SLIT2: variants seen among roughly 807,000 people sequenced by gnomAD.
SLIT2 encodes the protein slit homolog 2 protein.
In SLIT2, 41 loss-of-function variants were observed where a neutral mutation model predicts 185.7. That is an observed-to-expected ratio of 0.22 (90% CI 0.17 to 0.29). The LOEUF (loss-of-function observed/expected upper bound fraction) is 0.29, where lower values mean the gene tolerates loss of function less well. Among genes scored for constraint, SLIT2 ranks in the 10% least tolerant of loss-of-function variants. The pLI is 1.00. For synonymous variants in SLIT2, 693 were observed against 680.2 expected, an observed-to-expected ratio of 1.02 and a Z score of -0.29; for missense variants, 1,571 against 1,909.0, an observed-to-expected ratio of 0.82 and a Z score of 3.30.
At chr4:20,543,612 CT>C (rs1424187253) in intron 21 of SLIT2, among the ~76,000 whole-genome samples, 1 of 152,196 alleles carries the variant, frequency 6.6e-6, no homozygotes, top group Non-Finnish European at 1.5e-5. Context: ...GTTTGACAAA[CT>C]TTTGACAGTG....
rs1394700206 is a variant in SLIT2, at chr4:20,254,558, G to T, written c.179+564G>T. Among the ~76,000 whole-genome samples the T allele has an allele frequency of 6.6e-6, 1 of 152,144 alleles. No homozygotes were observed. The highest frequency in any genetic ancestry group is 1.5e-5 in the Non-Finnish European group (1 of 68,020). Reference sequence around the variant, plus strand: ...CTTCTCACAGGTCGCGGGGAGAAGGGTGCCCCAGGACGGCGACACCTCGCA... The same window carrying T: ...CTTCTCACAGGTCGCGGGGAGAAGGTTGCCCCAGGACGGCGACACCTCGCA... On this transcript the variant is annotated intron_variant, in intron 1 of 36. Transcript: ENST00000504154. The surrounding 1 kb of genome is among the most constrained non-coding windows in gnomAD (Gnocchi z 5.1).
At chr4:20,543,731 A>C (rs1723016908) in intron 21 of SLIT2, among the ~76,000 whole-genome samples, 1 of 152,172 alleles carries the variant, frequency 6.6e-6, no homozygotes, top group African/African-American at 2.4e-5. Context: ...TGAATAGAAC[A>C]CTTAGAGGAA....
chr4:20,515,976 C>T (rs1015801709), intron 11 of SLIT2, among the ~76,000 whole-genome samples: 4 of 152,116 alleles, frequency 2.6e-5, no homozygotes, highest in South Asian at 2.1e-4. Flanking sequence ...CTACCACACT[C>T]GGCTAATTTT....
At chr4:20,338,911 G>A (rs575355040) in intron 4 of SLIT2, among the ~76,000 whole-genome samples, 1 of 151,902 alleles carries the variant, frequency 6.6e-6, no homozygotes, top group East Asian at 1.9e-4. Flanking sequence ...GGGAAACAGA[G>A]AGAGATCCCA....
At chr4:20,500,977 C>T (rs1309663529) in intron 9 of SLIT2, among the ~76,000 whole-genome samples, 1 of 152,108 alleles carries the variant, frequency 6.6e-6, no homozygotes, top group South Asian at 2.1e-4. Context: ...TATTTTATCT[C>T]TGATTCTGTG....
intron 4 of SLIT2, among the ~76,000 whole-genome samples, chr4:20,438,279 C>T (rs937706425): frequency 1.3e-5 from 2 of 152,176 alleles, no homozygotes; most frequent in South Asian, 4.1e-4. Flanking sequence ...ATATCCAACA[C>T]TGGGCAATTT....
chr4:20,618,900 C>G lies in SLIT2; in HGVS notation c.4481C>G (p.Pro1494Arg). The G allele has an allele frequency of 6.2e-7, 1 of 1,614,058 alleles. No individual in the cohort carries two copies. Among genetic ancestry groups the G allele is most frequent in the Non-Finnish European group, 8.5e-7 (1 of 1,180,008 alleles). Residue 1494 changes from proline (P) to arginine (R), a missense_variant, in exon 37 of 37, where the codon CCG becomes CGG. Coordinates refer to ENST00000504154, the MANE Select transcript of SLIT2 (RefSeq NM_004787.4). ...GGCAGGQCCGPLRSKRRKYSF... is the reference protein window; with the variant it reads ...GGCAGGQCCGRLRSKRRKYSF... ...TGTGCAGGAGGGCAGTGCTGTGGAC[C>G]GCTGAGGAGCAAGCGGCGGAAATAC...
intron 4 of SLIT2, among the ~76,000 whole-genome samples, chr4:20,337,902 A>AG (rs1720640979): frequency 6.6e-6 from 1 of 152,188 alleles, no homozygotes; most frequent in Non-Finnish European, 1.5e-5. Flanking sequence ...GAAAAAAAAA[A>AG]TGATGCCACT....
chr4:20,534,398 AGTT>A (rs1180054044), intron 18 of SLIT2, among the ~76,000 whole-genome samples: 13 of 152,138 alleles, frequency 8.5e-5, no homozygotes, highest in Non-Finnish European at 2.9e-5. Context: ...GTTTCCAAAG[AGTT>A]GTTGTCCAAG....
intron 4 of SLIT2, among the ~76,000 whole-genome samples, chr4:20,435,678 A>G (rs1729300672): frequency 6.6e-6 from 1 of 152,226 alleles, no homozygotes; most frequent in Non-Finnish European, 1.5e-5. Context: ...TAAAATCTTA[A>G]GAAATTTTCC....
intron 29 of SLIT2, among the ~76,000 whole-genome samples, chr4:20,570,746 T>TATATATATATATATATAC (rs1725531245): frequency 6.9e-6 from 1 of 144,704 alleles, no homozygotes; most frequent in African/African-American, 2.5e-5. Context: ...TATATATATA[T>TATATATATATATATATAC]ATATATATAT....
At chr4:20,363,806 A>T (rs1722912725) in intron 4 of SLIT2, among the ~76,000 whole-genome samples, 1 of 152,106 alleles carries the variant, frequency 6.6e-6, no homozygotes, top group South Asian at 2.1e-4. Context: ...TCTAGGCAGC[A>T]TGTATTTTCC....
At chr4:20,324,713 T>A (rs76237997) in intron 4 of SLIT2, among the ~76,000 whole-genome samples, 11,375 of 152,172 alleles carry the variant, frequency 0.075, 1,007 homozygotes, top group African/African-American at 0.21. Flanking sequence ...ATAATATATA[T>A]ACTTCAAAAC....
chr4:20,517,738 T>G (rs980519447), intron 11 of SLIT2, among the ~76,000 whole-genome samples: 1 of 152,176 alleles, frequency 6.6e-6, no homozygotes, highest in Admixed American at 6.5e-5. Flanking sequence ...CATTTTATAA[T>G]ATACCTTACC....
chr4:20,321,886 G>T (rs191464591), intron 4 of SLIT2, among the ~76,000 whole-genome samples: 46 of 152,254 alleles, frequency 3.0e-4, no homozygotes, highest in Non-Finnish European at 3.1e-4. Flanking sequence ...TGGTTCTCAA[G>T]TGTGGCTTTG....
chr4:20,491,690 G>C, intron 8 of SLIT2, 71 bp from the exon 9 acceptor site: 1 of 1,329,134 alleles, frequency 7.5e-7, no homozygotes, highest in Non-Finnish European at 1.1e-6. Flanking sequence ...TGTTACTTGA[G>C]CTAAGTTTGT....
chr4:20,470,742 A>C (rs994969333), intron 5 of SLIT2, among the ~76,000 whole-genome samples: 2 of 151,806 alleles, frequency 1.3e-5, no homozygotes, highest in Admixed American at 1.3e-4. Context: ...TACCTGGCTA[A>C]TTTTTGTATT....
intron 4 of SLIT2, among the ~76,000 whole-genome samples, chr4:20,389,058 A>G (rs1358389845): frequency 6.7e-6 from 1 of 150,252 alleles, no homozygotes; most frequent in East Asian, 2.0e-4. Flanking sequence ...TGCTTAAAAT[A>G]TCTGTTCTTA....
intron 17 of SLIT2, among the ~76,000 whole-genome samples, chr4:20,532,454 T>C (rs1000158195): frequency 6.6e-6 from 1 of 152,144 alleles, no homozygotes; most frequent in Non-Finnish European, 1.5e-5. Flanking sequence ...CATTAGAAGA[T>C]AGTCAAAATT....
Sources: allele counts gnomAD v4.1 joint callset (sites outside exome capture counted in the v4.1 genomes callset), GRCh38; gene constraint gnomAD v4.1.1; non-coding constraint Gnocchi (gnomAD v3.1); transcripts MANE v1.5; gene names NCBI Gene and HGNC (gene_info 2026-07-23, HGNC 2026-07-21).